GLRA2: variants seen among roughly 807,000 people sequenced by gnomAD.
GLRA2 encodes glycine receptor alpha 2, also known as glycine receptor subunit alpha-2.
In GLRA2, 11 loss-of-function variants were observed where a neutral mutation model predicts 31.6. That is an observed-to-expected ratio of 0.35 (90% CI 0.22 to 0.58). The LOEUF is 0.58. GLRA2 is among the 20% of genes least tolerant of loss of function. GLRA2 has a pLI of 0.84. For missense variants in GLRA2, 212 were observed against 351.8 expected (o/e 0.60, Z 3.18); for synonymous variants, 132 against 134.0 (o/e 0.99, Z 0.10).
At chrX:14,628,439 C>T (rs928189922) in intron 7 of GLRA2, among the ~76,000 whole-genome samples, 1 of 111,419 alleles carries the variant, frequency 9.0e-6, no homozygotes, top group Middle Eastern at 4.6e-3. Context: ...ACTGGGCATA[C>T]AGAAGTGAGT....
chrX:14,537,761 G>GCAAGGCATTATAAAA (rs771865826), intron 2 of GLRA2, among the ~76,000 whole-genome samples: 1 of 110,173 alleles, frequency 9.1e-6, no homozygotes, highest in Non-Finnish European at 1.9e-5. Flanking sequence ...TATTGATGGT[G>GCAAGGCATTATAAAA]CAAGGCATTA....
chrX:14,673,969 TGTGA>T (rs1479667982), intron 7 of GLRA2, among the ~76,000 whole-genome samples: 1 of 112,447 alleles, frequency 8.9e-6, no homozygotes, highest in Admixed American at 9.4e-5. Context: ...AAGCACAGTC[TGTGA>T]GTAATTCTTC....
At position 14,544,953 on chromosome X, in the gene GLRA2, A is replaced by T. The variant is rs1037613791; in HGVS notation, c.202+12581A>T. On this transcript the variant is annotated intron_variant, in intron 2 of 8. Coordinates refer to ENST00000218075, the MANE Select transcript of GLRA2 (RefSeq NM_002063.4). ...ACGGAGTAGGGGTAGGGAAATAGTG[A>T]TGCCACCTCAGACTTAATCAATGGC... 6.3e-5 allele frequency among the ~76,000 whole-genome samples: 7 copies of T among 111,515 alleles called. No homozygotes were observed. In the East Asian group the frequency reaches 2.0e-3, roughly 32 times the overall value.
At chrX:14,678,163 T>C (rs1333050196) in intron 7 of GLRA2, among the ~76,000 whole-genome samples, 2 of 112,044 alleles carry the variant, frequency 1.8e-5, no homozygotes, top group Non-Finnish European at 3.8e-5. Context: ...TACTCAGGGC[T>C]AAGCAAAATT....
At position 14,730,220 on chromosome X, in the gene GLRA2, C is replaced by G. The variant is rs764540188; in HGVS notation, c.1094C>G (p.Thr365Ser). ...TTATTCCGTCAGGAAGAAGACGTTA[C>G]TCGTGAAAGTCGTTTTAATTTTAGC... The part of the protein sequence containing the change: ...QKRQNKEEDV[T>S]RESRFNFSGY... Residue 365 changes from threonine to serine, a missense_variant, in exon 9 of 9, where the codon ACT becomes AGT. Transcript: ENST00000218075. The G allele has an allele frequency of 8.3e-7, 1 of 1,201,328 alleles. No individual in the cohort carries two copies. Among genetic ancestry groups the G allele is most frequent in the Non-Finnish European group, 1.1e-6 (1 of 886,354 alleles).
intron 7 of GLRA2, among the ~76,000 whole-genome samples, chrX:14,656,537 G>A (rs2090942799): frequency 8.9e-6 from 1 of 111,843 alleles, no homozygotes; most frequent in South Asian, 3.7e-4. Context: ...TTATGTCCTG[G>A]CCCTGTAAGC....
the GLRA2 span, among the ~76,000 whole-genome samples, chrX:14,465,386 A>G: frequency 2.9e-4 from 33 of 112,099 alleles, no homozygotes; most frequent in African/African-American, 9.7e-4. Flanking sequence ...GTAAGATTAT[A>G]TCATCTGCAA....
intron 2 of GLRA2, among the ~76,000 whole-genome samples, chrX:14,573,190 G>T (rs2089907470): frequency 8.9e-6 from 1 of 112,108 alleles, no homozygotes; most frequent in African/African-American, 3.2e-5. Context: ...TTTACCAAAA[G>T]ATTTTGCCTG....
chrX:14,640,269 C>G lies in GLRA2; in HGVS notation c.930+31064C>G, dbSNP rs113519626. 3.6e-3 allele frequency among the ~76,000 whole-genome samples: 399 copies of G among 110,945 alleles called. 1 individual carries two copies. The highest frequency in any genetic ancestry group is 0.013 in the African/African-American group (385 of 30,581). On this transcript the variant is annotated intron_variant, in intron 7 of 8. Coordinates refer to ENST00000218075, the MANE Select transcript of GLRA2 (RefSeq NM_002063.4). ...GCCTCACCATGTTTGCTTGGAAGAT[C>G]CCTAACATTACGTGGTAAACTCATC...
At chrX:14,680,782 G>A (rs73437259) in intron 7 of GLRA2, among the ~76,000 whole-genome samples, 2 of 111,850 alleles carry the variant, frequency 1.8e-5, no homozygotes, top group Admixed American at 1.9e-4. Flanking sequence ...AGACTGAAAG[G>A]ACTCATTTGT....
chrX:14,461,831 G>A, the GLRA2 span, among the ~76,000 whole-genome samples: 3 of 112,120 alleles, frequency 2.7e-5, no homozygotes, highest in Admixed American at 9.5e-5. Context: ...TTGAATTGGA[G>A]CATTTAGCCC....
chrX:14,594,054 C>G (rs961002544), intron 4 of GLRA2, among the ~76,000 whole-genome samples: 1 of 112,101 alleles, frequency 8.9e-6, no homozygotes, highest in African/African-American at 3.2e-5. Context: ...CTGACCAGAA[C>G]TCCATTCTCT....
At chrX:14,696,500 T>C (rs1394413589) in intron 8 of GLRA2, among the ~76,000 whole-genome samples, 2 of 111,698 alleles carry the variant, frequency 1.8e-5, no homozygotes, top group African/African-American at 3.3e-5. Flanking sequence ...GAGGATGGGG[T>C]CTATTATCCA....
chrX:14,471,355 A>C, the GLRA2 span, among the ~76,000 whole-genome samples: 1 of 111,821 alleles, frequency 8.9e-6, no homozygotes. Flanking sequence ...CTGAGAGCAC[A>C]ACAGAGGAGC....
chrX:14,553,030 T>C (rs1338606609), intron 2 of GLRA2, among the ~76,000 whole-genome samples: 1 of 111,958 alleles, frequency 8.9e-6, no homozygotes, highest in Non-Finnish European at 1.9e-5. Flanking sequence ...ATTTCAAGTG[T>C]GAACTCAACT....
At chrX:14,723,843 T>C (rs2091895316) in intron 8 of GLRA2, among the ~76,000 whole-genome samples, 1 of 112,479 alleles carries the variant, frequency 8.9e-6, no homozygotes. Context: ...TAAGCTCTCA[T>C]AGCATCTTAT....
chrX:14,517,512 G>T, the GLRA2 span, among the ~76,000 whole-genome samples: 13 of 111,613 alleles, frequency 1.2e-4, no homozygotes, highest in Non-Finnish European at 2.4e-4. Flanking sequence ...TGAGTGCCAA[G>T]CAAAGAGGGG....
intron 4 of GLRA2, among the ~76,000 whole-genome samples, chrX:14,601,967 G>T (rs2090280198): frequency 9.0e-6 from 1 of 111,654 alleles, no homozygotes; most frequent in Non-Finnish European, 1.9e-5. Context: ...ACGGATTGTA[G>T]TATTAGGATC....
chrX:14,587,108 A>G (rs1332942813), intron 4 of GLRA2, among the ~76,000 whole-genome samples: 1 of 111,657 alleles, frequency 9.0e-6, no homozygotes, highest in Non-Finnish European at 1.9e-5. Context: ...CACACAATTC[A>G]TGTTGCAGCA....
Sources: allele counts gnomAD v4.1 joint callset (sites outside exome capture counted in the v4.1 genomes callset), GRCh38; gene constraint gnomAD v4.1.1; transcripts MANE v1.5; gene names NCBI Gene and HGNC (gene_info 2026-07-23, HGNC 2026-07-21).